PKHD1L1: variants seen among roughly 807,000 people sequenced by gnomAD.
PKHD1L1 encodes PKHD1 like 1, also known as fibrocystin-L.
A neutral mutation model predicts 462.9 loss-of-function variants in PKHD1L1; 434 were observed. That is an observed-to-expected ratio of 0.94 (90% confidence interval 0.87 to 1.02). The LOEUF (loss-of-function observed/expected upper bound fraction) is 1.02, where lower values mean the gene tolerates loss of function less well. Among genes scored for constraint, PKHD1L1 ranks in the 50% least tolerant of loss-of-function variants. The pLI, the probability that PKHD1L1 is intolerant of heterozygous loss-of-function variation, is 0.00. For missense variants in PKHD1L1, 5,202 were observed against 5,096.1 expected, an observed-to-expected ratio of 1.02 and a Z score of -0.63; for synonymous variants, 1,781 against 1,750.0, an observed-to-expected ratio of 1.02 and a Z score of -0.44.
chr8:109,513,521 G>T (rs954433386), intron 71 of PKHD1L1, among the ~76,000 whole-genome samples: 5 of 152,090 alleles, frequency 3.3e-5, no homozygotes, highest in African/African-American at 1.2e-4. Context: ...TATTTAATAA[G>T]TATGAAAAGA....
chr8:109,415,311 C>T (rs1371135435), intron 21 of PKHD1L1, among the ~76,000 whole-genome samples: 1 of 152,082 alleles, frequency 6.6e-6, no homozygotes, highest in Non-Finnish European at 1.5e-5. Context: ...TGGCCCCCAA[C>T]ACTATTTTCA....
In PKHD1L1 at chr8:109,440,853, G is replaced by A. The variant is rs776612784; in HGVS notation, c.4099+1G>A. On this transcript the variant is annotated splice_donor_variant, in intron 33 of 77. Transcript: ENST00000378402. LOFTEE classifies it high-confidence loss of function. ...CCAGCTGAGAATACCGTGCTGTTAGGTAAGAGCTTCATTCATAGGAAAGTG... is the reference window on the plus strand; with the variant it reads ...CCAGCTGAGAATACCGTGCTGTTAGATAAGAGCTTCATTCATAGGAAAGTG... 8 of 1,611,190 alleles carry A rather than the reference G, an allele frequency of 5.0e-6. No individual in the cohort carries two copies. The African/African-American group carries it at 5.3e-5, about 11-fold the overall frequency.
At chr8:109,399,906 C>G (rs1359112239) in intron 12 of PKHD1L1, among the ~76,000 whole-genome samples, 170 bp from the exon 13 acceptor site, 2 of 152,150 alleles carry the variant, frequency 1.3e-5, no homozygotes, top group Non-Finnish European at 2.9e-5. Flanking sequence ...AAATTACAGA[C>G]TGCCCTCTGG....
intron 40 of PKHD1L1, 53 bp downstream of exon 40, chr8:109,449,540 A>AT: frequency 7.0e-7 from 1 of 1,438,450 alleles, no homozygotes; most frequent in Non-Finnish European, 9.3e-7. Flanking sequence ...TAATTTTATA[A>AT]AGATCAGTTA....
chr8:109,395,125 A>G (rs1812905448), intron 10 of PKHD1L1, among the ~76,000 whole-genome samples: 1 of 152,212 alleles, frequency 6.6e-6, no homozygotes, highest in African/African-American at 2.4e-5. Flanking sequence ...TAAGTACTAT[A>G]TGGTTTCTAC....
rs770495426 is a variant in PKHD1L1, at chr8:109,442,966, A to G, written c.4414A>G (p.Thr1472Ala). 1.2e-6 allele frequency: 2 copies of G among 1,613,018 alleles called. No individual in the cohort carries two copies. Among genetic ancestry groups the G allele is most frequent in the Non-Finnish European group, 8.5e-7 (1 of 1,179,348 alleles). Reference protein sequence around the residue: ...STSGSFSYQFTSPGIHYYSSG... With the variant: ...STSGSFSYQFASPGIHYYSSG... ...GGCAGGTTCATTTTCTTACCAATTT[A>G]CTTCTCCTGGAATCCATTATTATAG... Residue 1472 changes from threonine to alanine, a missense_variant, in exon 36 of 78, where the codon ACT becomes GCT. Around this residue, in one of 3 missense-constraint regions of PKHD1L1, gnomAD observed 4,497 missense variants for 4,336.8 expected, o/e 1.04. Transcript: ENST00000378402.
At chr8:109,471,074 A>G in intron 50 of PKHD1L1, 1 of 1,567,518 alleles carries the variant, frequency 6.4e-7, no homozygotes, top group Non-Finnish European at 8.8e-7. Context: ...TTCTCCTCAA[A>G]TTCCTCATCA....
chr8:109,445,414 C>T lies in PKHD1L1; in HGVS notation c.5545C>T (p.Leu1849=), dbSNP rs200379443. The T allele has an allele frequency of 2.5e-6, 4 of 1,613,974 alleles. No homozygotes were observed. Among genetic ancestry groups the T allele is most frequent in the African/African-American group, 1.3e-5 (1 of 75,030 alleles). ...TSGSIGGGTT[L]VITGNGFYPG... ...TGGAAGCATTGGTGGTGGAACTACACTGGTGATCACAGGAAATGGCTTCTA... is the reference window on the plus strand; with the variant it reads ...TGGAAGCATTGGTGGTGGAACTACATTGGTGATCACAGGAAATGGCTTCTA... Residue 1849 remains leucine (L), a synonymous_variant, in exon 38 of 78, where the codon CTG becomes TTG. Coordinates refer to ENST00000378402, the MANE Select transcript of PKHD1L1 (RefSeq NM_177531.6).
At chr8:109,527,583 G>T (rs1370639383) in intron 77 of PKHD1L1, among the ~76,000 whole-genome samples, 1 of 152,168 alleles carries the variant, frequency 6.6e-6, no homozygotes, top group Admixed American at 6.5e-5. Context: ...AACTCTTTTT[G>T]AGTTGCAAGA....
At chr8:109,456,168 T>C (rs2130802977) in intron 45 of PKHD1L1, 94 bp from the exon 46 acceptor site, 2 of 1,337,902 alleles carry the variant, frequency 1.5e-6, no homozygotes, top group Non-Finnish European at 2.0e-6. Context: ...CTCTCCAACA[T>C]TGATTCAATT....
At chr8:109,437,554 A>G (rs1399652934) in intron 30 of PKHD1L1, among the ~76,000 whole-genome samples, 1 of 144,286 alleles carries the variant, frequency 6.9e-6, no homozygotes, top group Non-Finnish European at 1.5e-5. Context: ...CATAGTTTTT[A>G]AATTTAAACT....
rs1333118141 is a variant in PKHD1L1, at chr8:109,476,685, G to A, written c.8917+18G>A. On this transcript the variant is annotated intron_variant, in intron 52 of 77. Coordinates refer to ENST00000378402, the MANE Select transcript of PKHD1L1 (RefSeq NM_177531.6). ...TTACTTGGGTATGTGTCATTAGGCAGAAATGATAGTTTATCTAATGCTTTG... is the reference window on the plus strand; with the variant it reads ...TTACTTGGGTATGTGTCATTAGGCAAAAATGATAGTTTATCTAATGCTTTG... The A allele has an allele frequency of 6.4e-7, 1 of 1,569,632 alleles. No individual in the cohort carries two copies.
intron 50 of PKHD1L1, among the ~76,000 whole-genome samples, chr8:109,472,334 G>T (rs1214860020): frequency 6.6e-6 from 1 of 151,968 alleles, no homozygotes; most frequent in Non-Finnish European, 1.5e-5. Flanking sequence ...AAATCTCTAA[G>T]CTTTCTTTTT....
rs1481128582 is a variant in PKHD1L1 at position 109,491,090 on chromosome 8, C to T, written c.10103C>T (p.Thr3368Ile). Residue 3368 changes from threonine (T) to isoleucine (I), a missense_variant, in exon 61 of 78, where the codon ACA becomes ATA. Physicochemically the swap from Thr to Ile is moderately conservative, Grantham distance 89. Around this residue, in one of 3 missense-constraint regions of PKHD1L1, gnomAD observed 4,497 missense variants for 4,336.8 expected, o/e 1.04. Coordinates refer to ENST00000378402, the MANE Select transcript of PKHD1L1 (RefSeq NM_177531.6). ...LDIDDNIIHF[T>I]VGEGIRIWGN... is the part of the protein sequence containing the mutation. ...ATAGATGACAACATCATTCACTTTACAGTGGGGGAAGGTAATATAATAATA... is the reference window on the plus strand; with the variant it reads ...ATAGATGACAACATCATTCACTTTATAGTGGGGGAAGGTAATATAATAATA... 6.2e-7 allele frequency: 1 copy of T among 1,608,046 alleles called. No homozygotes were observed. Among genetic ancestry groups the T allele is most frequent in the Non-Finnish European group, 8.5e-7 (1 of 1,175,998 alleles).
chr8:109,500,941 T>C (rs1301117384), intron 67 of PKHD1L1, among the ~76,000 whole-genome samples: 1 of 152,096 alleles, frequency 6.6e-6, no homozygotes, highest in East Asian at 1.9e-4. Context: ...TTGAGTCACT[T>C]ACTGTATGTC....
chr8:109,508,048 G>T, intron 69 of PKHD1L1, 49 bp from the exon 70 acceptor site: 1 of 1,528,532 alleles, frequency 6.5e-7, no homozygotes. Context: ...GGATTTTTTT[G>T]CAAAGAGATT....
At chr8:109,505,808 G>C (rs1350709085) in intron 68 of PKHD1L1, among the ~76,000 whole-genome samples, 3 of 152,164 alleles carry the variant, frequency 2.0e-5, no homozygotes, top group Non-Finnish European at 4.4e-5. Context: ...AGGAGGCTGA[G>C]GCAGGAGGAT....
Position 109,394,433 on chromosome 8 carries a change from G to A in PKHD1L1, c.759G>A (p.Met253Ile), listed in dbSNP as rs1015941466. Residue 253 changes from methionine (M) to isoleucine (I), a missense_variant, in exon 10 of 78, where the codon ATG (methionine) becomes ATA (isoleucine). Around this residue, in one of 3 missense-constraint regions of PKHD1L1, gnomAD observed 4,497 missense variants for 4,336.8 expected, o/e 1.04. Coordinates refer to ENST00000378402, the MANE Select transcript of PKHD1L1 (RefSeq NM_177531.6). The part of the protein sequence containing the change: ...NDYGRSFPQK[M>I]AYFVSSLNKI... Reference sequence around the variant, plus strand: ...TTAACAGGAGTTTTCCACAGAAAATGGCATATTTTGTTTCTTCTCTCAATA... The same window carrying A: ...TTAACAGGAGTTTTCCACAGAAAATAGCATATTTTGTTTCTTCTCTCAATA... The A allele has an allele frequency of 1.2e-5, 18 of 1,515,982 alleles. No individual in the cohort carries two copies. In the African/African-American group the frequency reaches 1.3e-4, roughly 11 times the overall value. The allele number at this position is 1,515,982 out of a possible 1,614,324, so 93.9% of individuals were successfully genotyped here. A position where few individuals can be genotyped will look rare whatever the true frequency, so the allele number is the denominator to read the frequency against.
intron 2 of PKHD1L1, among the ~76,000 whole-genome samples, chr8:109,366,106 A>C (rs551616491): frequency 6.6e-6 from 1 of 152,328 alleles, no homozygotes; most frequent in Admixed American, 6.5e-5. Flanking sequence ...AAATAAAAAA[A>C]CCAAAACATT....
Sources: allele counts gnomAD v4.1 joint callset (sites outside exome capture counted in the v4.1 genomes callset), GRCh38; gene constraint gnomAD v4.1.1; regional missense constraint gnomAD v4.1.1; transcripts MANE v1.5; gene names NCBI Gene and HGNC (gene_info 2026-07-23, HGNC 2026-07-21).